RASGRF2: variants seen among roughly 807,000 people sequenced by gnomAD.
RASGRF2 encodes Ras protein specific guanine nucleotide releasing factor 2.
RASGRF2 carries 76 observed loss-of-function variants against 151.0 expected under a neutral mutation model. The observed-to-expected ratio is 0.50, with a 90% CI of 0.42 to 0.61. RASGRF2 has a LOEUF of 0.61. Ranked by LOEUF, RASGRF2 falls within the 20% of genes least tolerant of loss-of-function variation. The probability of loss-of-function intolerance (pLI) is 0.00; values close to 1 mark genes in which losing one functional copy is unlikely to be tolerated. For synonymous variants in RASGRF2, 504 were observed against 566.5 expected (o/e 0.89, Z 1.57); for missense variants, 1,148 against 1,564.6 (o/e 0.73, Z 4.49).
intron 15 of RASGRF2, among the ~76,000 whole-genome samples, chr5:81,121,760 C>T (rs138395636): frequency 6.6e-6 from 1 of 152,256 alleles, no homozygotes; most frequent in Admixed American, 6.5e-5. Flanking sequence ...CAGATTCCAC[C>T]CAGTGATGGG....
chr5:81,154,249 G>A (rs1754205620), intron 17 of RASGRF2, among the ~76,000 whole-genome samples: 1 of 152,198 alleles, frequency 6.6e-6, no homozygotes, highest in Non-Finnish European at 1.5e-5. Context: ...TCTGATGAAA[G>A]TGTATACATT....
chr5:81,099,023 T>C (rs1752623179), intron 12 of RASGRF2, among the ~76,000 whole-genome samples: 2 of 152,198 alleles, frequency 1.3e-5, no homozygotes, highest in Non-Finnish European at 2.9e-5. Flanking sequence ...ACAGATAACC[T>C]ACATTAGAAT....
chr5:81,022,543 T>C (rs771918121), intron 1 of RASGRF2, among the ~76,000 whole-genome samples: 3 of 152,170 alleles, frequency 2.0e-5, no homozygotes, highest in Non-Finnish European at 4.4e-5. Flanking sequence ...TGGCATCAGC[T>C]TTGTCATCAG....
chr5:81,135,830 A>G (rs934966902), intron 17 of RASGRF2, among the ~76,000 whole-genome samples: 1 of 152,222 alleles, frequency 6.6e-6, no homozygotes, highest in Non-Finnish European at 1.5e-5. Context: ...TGATAAGATT[A>G]TGTTTAACTG....
chr5:81,194,587 C>T (rs530001746), intron 18 of RASGRF2, among the ~76,000 whole-genome samples: 2 of 152,156 alleles, frequency 1.3e-5, no homozygotes, highest in East Asian at 1.9e-4. Flanking sequence ...CATCGGTGGA[C>T]AGTGTTTTGC....
chr5:81,210,667 T>C (rs1250329707), intron 22 of RASGRF2, among the ~76,000 whole-genome samples: 2 of 152,196 alleles, frequency 1.3e-5, no homozygotes, highest in Admixed American at 1.3e-4. Flanking sequence ...TACCTCCCTT[T>C]GACAAAAATC....
chr5:81,070,587 GC>G lies in RASGRF2; in HGVS notation c.633+8del. 1.3e-6 allele frequency: 2 copies of G among 1,592,794 alleles called. No homozygotes were observed. Among genetic ancestry groups the G allele is most frequent in the Non-Finnish European group, 1.7e-6 (2 of 1,160,914 alleles). On this transcript the variant is annotated splice_region_variant and intron_variant, in intron 4 of 26. Coordinates refer to ENST00000265080, the MANE Select transcript of RASGRF2 (RefSeq NM_006909.3). Reference sequence around the variant, plus strand: ...ACATCAAGAAGATTAAAAAGGTAGGGCCTGGAGGTTTCCAGCTTTGTAGGAG... The same window carrying G: ...ACATCAAGAAGATTAAAAAGGTAGGGCTGGAGGTTTCCAGCTTTGTAGGAG...
intron 1 of RASGRF2, among the ~76,000 whole-genome samples, chr5:81,033,853 G>A (rs907024113): frequency 5.3e-5 from 8 of 152,112 alleles, no homozygotes; most frequent in Non-Finnish European, 7.3e-5. Flanking sequence ...CCATCAGAGC[G>A]AACAGGCAAC....
chr5:80,977,728 A>T (rs1290874037), intron 1 of RASGRF2, among the ~76,000 whole-genome samples: 1 of 152,226 alleles, frequency 6.6e-6, no homozygotes, highest in Non-Finnish European at 1.5e-5. Flanking sequence ...AAGTGCTGGG[A>T]TTATAGGCGT....
At chr5:81,066,994 T>C (rs1252287841) in intron 2 of RASGRF2, among the ~76,000 whole-genome samples, 1 of 152,202 alleles carries the variant, frequency 6.6e-6, no homozygotes, top group East Asian at 1.9e-4. Context: ...CACTTTCTCA[T>C]GAGAGAGGCA....
At position 81,112,832 on chromosome 5, in the gene RASGRF2, G is replaced by A; in HGVS notation, c.2061G>A (p.Lys687=). 6.2e-7 allele frequency: 1 copy of A among 1,614,186 alleles called. No individual in the cohort carries two copies. Among genetic ancestry groups the A allele is most frequent in the Non-Finnish European group, 8.5e-7 (1 of 1,180,034 alleles). ...VVLGKLSDIY[K]RPFTSIPVRS... ...TGGGGAAACTCTCCGACATATACAAGAGGCCTTTCACCTCCATCCCTGTCA... is the reference window on the plus strand; with the variant it reads ...TGGGGAAACTCTCCGACATATACAAAAGGCCTTTCACCTCCATCCCTGTCA... The change falls in exon 14 of 27, where the codon AAG becomes AAA. Residue 687 remains lysine (K), a synonymous_variant. Transcript: ENST00000265080.
At chr5:81,035,633 AC>A (rs891721201) in intron 1 of RASGRF2, among the ~76,000 whole-genome samples, 4 of 152,082 alleles carry the variant, frequency 2.6e-5, no homozygotes, top group Non-Finnish European at 5.9e-5. Context: ...TAAAAAAAAA[AC>A]AACTTAATAG....
chr5:81,090,423 C>G lies in RASGRF2; in HGVS notation c.1391-2378C>G, dbSNP rs147509631. Among the ~76,000 whole-genome samples, 296 of 152,312 alleles carry G rather than the reference C, an allele frequency of 1.9e-3. 1 individual carries two copies. The highest frequency in any genetic ancestry group is 6.8e-3 in the African/African-American group (282 of 41,562). On this transcript the variant is annotated intron_variant, in intron 9 of 26. Coordinates refer to ENST00000265080, the MANE Select transcript of RASGRF2 (RefSeq NM_006909.3). Reference sequence around the variant, plus strand: ...TACTAAATGAATACTAAGTATTTCTCTAATTTGTATTAGCTAGCGAGGAAT... The same window carrying G: ...TACTAAATGAATACTAAGTATTTCTGTAATTTGTATTAGCTAGCGAGGAAT...
chr5:81,102,644 G>A (rs763740119), intron 12 of RASGRF2, among the ~76,000 whole-genome samples: 20 of 150,378 alleles, frequency 1.3e-4, no homozygotes, highest in Admixed American at 3.3e-4. Context: ...GCAGTGAGCC[G>A]AGATCATGCC....
chr5:81,110,509 A>G (rs1752964521), intron 13 of RASGRF2, among the ~76,000 whole-genome samples: 1 of 152,222 alleles, frequency 6.6e-6, no homozygotes, highest in African/African-American at 2.4e-5. Context: ...TGCTGGCTTC[A>G]ACACATTTTT....
Position 80,983,596 on chromosome 5 carries a change from A to G in RASGRF2, c.288+22570A>G, listed in dbSNP as rs184595834. 2.1e-4 allele frequency among the ~76,000 whole-genome samples: 32 copies of G among 152,314 alleles called. No individual in the cohort carries two copies. The East Asian group carries it at 6.2e-3, about 29-fold the overall frequency. On this transcript the variant is annotated intron_variant, in intron 1 of 26. Coordinates refer to ENST00000265080, the MANE Select transcript of RASGRF2 (RefSeq NM_006909.3). ...TGGGTCTGCAGGGCCTAAAATATTTACTATCTTGCCCTTTACGGAAAACAT... is the reference window on the plus strand; with the variant it reads ...TGGGTCTGCAGGGCCTAAAATATTTGCTATCTTGCCCTTTACGGAAAACAT...
intron 17 of RASGRF2, among the ~76,000 whole-genome samples, chr5:81,128,358 G>A (rs559930339): frequency 6.6e-5 from 10 of 152,142 alleles, no homozygotes; most frequent in East Asian, 1.9e-4. Flanking sequence ...CAGTATATAC[G>A]TACATCAAAA....
At chr5:81,136,850 T>G (rs566191995) in intron 17 of RASGRF2, among the ~76,000 whole-genome samples, 1 of 152,174 alleles carries the variant, frequency 6.6e-6, no homozygotes, top group South Asian at 2.1e-4. Flanking sequence ...TTGATTGGCC[T>G]CTCTTCAAGG....
chr5:81,117,230 T>G (rs1245907871), intron 15 of RASGRF2, among the ~76,000 whole-genome samples: 1 of 152,224 alleles, frequency 6.6e-6, no homozygotes, highest in Non-Finnish European at 1.5e-5. Flanking sequence ...GGTATCTTAC[T>G]TTGTTTTGGG....
Sources: gnomAD v4.1 joint callset for allele counts (sites outside exome capture counted in the v4.1 genomes callset) on GRCh38, gnomAD v4.1.1 for gene constraint, MANE v1.5 for transcripts, NCBI Gene and HGNC (gene_info 2026-07-23, HGNC 2026-07-21) for gene names.